Variants in MMP28 observed in about 807,000 individuals in gnomAD.
MMP28 encodes matrix metallopeptidase 28.
Under a neutral mutation model 60.5 loss-of-function variants are expected in MMP28, and 55 were observed. The observed-to-expected ratio is 0.91, with a 90% CI of 0.73 to 1.14. The LOEUF (loss-of-function observed/expected upper bound fraction) is 1.14, where lower values mean the gene tolerates loss of function less well. MMP28 is among the 50% of genes most tolerant of loss of function. The pLI is 0.00. For synonymous variants in MMP28, 318 were observed against 312.5 expected (o/e 1.02, Z -0.18); for missense variants, 686 against 738.3 (o/e 0.93, Z 0.82).
chr17:35,791,755 C>T (rs1036291882), intron 1 of MMP28, among the ~76,000 whole-genome samples: 3 of 152,136 alleles, frequency 2.0e-5, no homozygotes, highest in African/African-American at 7.2e-5. Context: ...TCCAGAACTG[C>T]TCAACTTCTC....
chr17:35,756,688 G>A (rs1193919774), intron 2 of MMP28, among the ~76,000 whole-genome samples: 4 of 151,518 alleles, frequency 2.6e-5, no homozygotes, highest in South Asian at 2.1e-4. Flanking sequence ...GGGTGGTCTC[G>A]AATTCCTGAG....
chr17:35,795,418 G>T lies in MMP28; in HGVS notation c.-41C>A, dbSNP rs947781943. The stretch of plus-strand genomic sequence containing the variant: ...GCAGCCCGGCTCGGGGAGCTACTGC[G>T]CGCAGGGAACCAGCCGGCAGTCAGC... On this transcript the variant is annotated 5_prime_UTR_variant, in exon 1 of 8. Transcript: ENST00000605424. The T allele has an allele frequency of 2.2e-6, 3 of 1,349,244 alleles. No homozygotes were observed. The highest frequency in any genetic ancestry group is 2.9e-6 in the Non-Finnish European group (3 of 1,047,934). The allele number at this position is 1,349,244 out of a possible 1,614,324, so 83.6% of individuals were successfully genotyped here.
intron 3 of MMP28, among the ~76,000 whole-genome samples, chr17:35,777,102 G>A (rs2143396904): frequency 6.6e-6 from 1 of 152,300 alleles, no homozygotes; most frequent in South Asian, 2.1e-4. Context: ...TGGTAATCAA[G>A]GACCATCTCT....
downstream of MMP28, among the ~76,000 whole-genome samples, chr17:35,762,697 A>G (rs1555601733): frequency 6.6e-6 from 1 of 152,048 alleles, no homozygotes. Flanking sequence ...TTTTCTAATC[A>G]TACAGAGGTG....
Position 35,765,908 on chromosome 17 carries a change from A to T in MMP28, c.*592T>A. 1 of 985,350 alleles carries T rather than the reference A, an allele frequency of 1.0e-6. No individual in the cohort carries two copies. Among genetic ancestry groups the T allele is most frequent in the Non-Finnish European group, 1.2e-6 (1 of 829,922 alleles). The allele number at this position is 985,350 out of a possible 1,614,324, so 61.0% of individuals were successfully genotyped here. On this transcript the variant is annotated 3_prime_UTR_variant, in exon 8 of 8. Transcript: ENST00000605424. ...CCAGCTGAAGGCACCTCTTTATTCC[A>T]GCCCCAGACAAAAAGCCAGGGACTG...
At chr17:35,776,585 C>T (rs922509187) in intron 3 of MMP28, among the ~76,000 whole-genome samples, 2 of 152,146 alleles carry the variant, frequency 1.3e-5, no homozygotes, top group African/African-American at 4.8e-5. Context: ...ATACTATCCT[C>T]TATCAAAAAG....
chr17:35,786,108 G>A (rs2086641525), intron 1 of MMP28, among the ~76,000 whole-genome samples: 1 of 150,876 alleles, frequency 6.6e-6, no homozygotes, highest in Admixed American at 6.6e-5. Context: ...CCAAGCTGGA[G>A]TGCAATGGCA....
At chr17:35,771,487 T>C (rs2143274138) in intron 4 of MMP28, among the ~76,000 whole-genome samples, 2 of 140,890 alleles carry the variant, frequency 1.4e-5, no homozygotes, top group Middle Eastern at 7.4e-3. Context: ...GTAGGTAGAG[T>C]ATAGTTACCC....
intron 1 of MMP28, among the ~76,000 whole-genome samples, chr17:35,794,268 CAG>C (rs1164469593): frequency 2.3e-5 from 3 of 129,600 alleles, no homozygotes; most frequent in Non-Finnish European, 4.8e-5. Flanking sequence ...TTTTTTGAGA[CAG>C]AGTCTCACTC....
intron 1 of MMP28, among the ~76,000 whole-genome samples, chr17:35,785,879 G>C (rs2086633411): frequency 6.6e-6 from 1 of 152,122 alleles, no homozygotes; most frequent in African/African-American, 2.4e-5. Context: ...TGTATAAAAT[G>C]GGAGAAAGAA....
intron 1 of MMP28, among the ~76,000 whole-genome samples, chr17:35,795,007 T>A (rs1046624489): frequency 6.6e-6 from 1 of 152,226 alleles, no homozygotes; most frequent in Non-Finnish European, 1.5e-5. Flanking sequence ...GGATGTCCCC[T>A]CTGGGCTCTT....
intron 1 of MMP28, among the ~76,000 whole-genome samples, chr17:35,790,958 C>T (rs138523004): frequency 6.6e-6 from 1 of 150,582 alleles, no homozygotes; most frequent in Non-Finnish European, 1.5e-5. Context: ...TCAAACTCCT[C>T]GGCTCAAGCA....
In MMP28 at chr17:35,766,881, C is replaced by A; in HGVS notation, c.1182G>T (p.Trp394Cys). 1 of 1,576,770 alleles carries A rather than the reference C, an allele frequency of 6.3e-7. No homozygotes were observed. ...DFYFFKGGRC[W>C]RFRGPKPVWG... ...ACACTGGCTTGGGGCCCCGGAACCT[C>A]CAGCATCGACCCCCTGTGGGGAATT... Residue 394 changes from tryptophan to cysteine, a missense_variant, in exon 8 of 8, where the codon TGG (tryptophan) becomes TGT (cysteine). Coordinates refer to ENST00000605424, the MANE Select transcript of MMP28 (RefSeq NM_024302.5). The surrounding 1 kb of genome is among the most constrained non-coding windows in gnomAD (Gnocchi z 4.3).
chr17:35,795,462 G>C lies in MMP28; in HGVS notation c.-85C>G. The C allele has an allele frequency of 1.0e-6, 1 of 999,900 alleles. No homozygotes were observed. Among genetic ancestry groups the C allele is most frequent in the Non-Finnish European group, 1.4e-6 (1 of 739,846 alleles). 61.9% of individuals were successfully genotyped at this position (999,900 alleles called of 1,614,324 possible). On this transcript the variant is annotated 5_prime_UTR_variant, in exon 1 of 8. It adds an upstream start codon to the 5' untranslated region. Coordinates refer to ENST00000605424, the MANE Select transcript of MMP28 (RefSeq NM_024302.5). ...AGTCAGCCGCGCCCGGGACCCCGGGGATGGGACTGCTCTGCGCCGCCCCCG... is the reference window on the plus strand; with the variant it reads ...AGTCAGCCGCGCCCGGGACCCCGGGCATGGGACTGCTCTGCGCCGCCCCCG...
chr17:35,765,548 G>A (rs1470747533), downstream of MMP28, among the ~76,000 whole-genome samples: 1 of 152,254 alleles, frequency 6.6e-6, no homozygotes, highest in Non-Finnish European at 1.5e-5. Context: ...CGGCCACTGT[G>A]AGAGCACAAG....
At chr17:35,777,952 C>G (rs1378522998) in intron 3 of MMP28, among the ~76,000 whole-genome samples, 1 of 152,200 alleles carries the variant, frequency 6.6e-6, no homozygotes, top group Non-Finnish European at 1.5e-5. Flanking sequence ...CGCTTGAACC[C>G]AGGAGGCGGA....
chr17:35,793,483 T>C (rs2086874789), intron 1 of MMP28, among the ~76,000 whole-genome samples: 1 of 152,120 alleles, frequency 6.6e-6, no homozygotes, highest in Non-Finnish European at 1.5e-5. Context: ...TCTCTGAATA[T>C]GCAGAGAAAC....
downstream of MMP28, chr17:35,765,167 T>C (rs1338780124): frequency 6.6e-6 from 1 of 152,264 alleles, no homozygotes; most frequent in Non-Finnish European, 1.5e-5. Context: ...GGGAGCCTCT[T>C]CCCTCTCTAC....
chr17:35,782,797 G>A (rs188512114), intron 1 of MMP28, among the ~76,000 whole-genome samples: 1 of 152,220 alleles, frequency 6.6e-6, no homozygotes, highest in Admixed American at 6.5e-5. Flanking sequence ...CCCTGACTCT[G>A]CCAGATGGCT....
Sources: allele counts gnomAD v4.1 joint callset (sites outside exome capture counted in the v4.1 genomes callset), GRCh38; gene constraint gnomAD v4.1.1; non-coding constraint Gnocchi (gnomAD v3.1); transcripts MANE v1.5; gene names NCBI Gene and HGNC (gene_info 2026-07-23, HGNC 2026-07-21).